Variants in LRRC43 observed in about 807,000 individuals in gnomAD.
LRRC43 encodes the protein leucine-rich repeat-containing protein 43.
Under a neutral mutation model 64.3 loss-of-function variants are expected in LRRC43, and 62 were observed. That is an observed-to-expected ratio of 0.96 (90% CI 0.79 to 1.19). The LOEUF (loss-of-function observed/expected upper bound fraction) is 1.19, where lower values mean the gene tolerates loss of function less well. Ranked by LOEUF, LRRC43 falls within the 50% of genes most tolerant of loss-of-function variation. The probability of loss-of-function intolerance (pLI) is 0.00; values close to 1 mark genes in which losing one functional copy is unlikely to be tolerated. For synonymous variants in LRRC43, 422 were observed against 382.3 expected, an observed-to-expected ratio of 1.10 and a Z score of -1.21; for missense variants, 868 against 845.0, an observed-to-expected ratio of 1.03 and a Z score of -0.34.
intron 7 of LRRC43, among the ~76,000 whole-genome samples, chr12:122,196,963 C>T (rs1293068581): frequency 6.6e-6 from 1 of 152,022 alleles, no homozygotes; most frequent in African/African-American, 2.4e-5. Context: ...CTCAGAGACA[C>T]GAAGAACAGC....
upstream of LRRC43, among the ~76,000 whole-genome samples, chr12:122,180,631 G>T (rs1953573852): frequency 6.6e-6 from 1 of 152,174 alleles, no homozygotes; most frequent in African/African-American, 2.4e-5. Context: ...GATGAAGGGT[G>T]GAAGGGCTTC....
intron 1 of LRRC43, chr12:122,173,742 G>A: frequency 9.9e-7 from 1 of 1,008,930 alleles, no homozygotes. Flanking sequence ...TCCTGGCATA[G>A]CTACAGCCCT....
At chr12:122,181,294 A>G (rs1953578427), upstream of LRRC43, among the ~76,000 whole-genome samples, 1 of 152,032 alleles carries the variant, frequency 6.6e-6, no homozygotes, top group Non-Finnish European at 1.5e-5. Flanking sequence ...ATGTAATCCC[A>G]GCACTTTGAG....
At chr12:122,188,976 C>T (rs911516096) in intron 4 of LRRC43, among the ~76,000 whole-genome samples, 1 of 152,192 alleles carries the variant, frequency 6.6e-6, no homozygotes, top group African/African-American at 2.4e-5. Context: ...AGCTGAGAAC[C>T]ACCACCCTGG....
intron 7 of LRRC43, among the ~76,000 whole-genome samples, chr12:122,194,561 C>T (rs1953755656): frequency 7.2e-6 from 1 of 138,436 alleles, no homozygotes; most frequent in African/African-American, 2.6e-5. Flanking sequence ...AAAGAAGCTC[C>T]GTCTCAAAAA....
chr12:122,203,178 A>T, intron 11 of LRRC43, 137 bp from the exon 12 acceptor site: 1 of 745,206 alleles, frequency 1.3e-6, no homozygotes, highest in Non-Finnish European at 2.1e-6. Context: ...ATTTCTTATT[A>T]CTGTTAACAC....
chr12:122,195,429 C>T (rs1008687181), intron 7 of LRRC43, among the ~76,000 whole-genome samples: 2 of 151,794 alleles, frequency 1.3e-5, no homozygotes, highest in African/African-American at 4.8e-5. Flanking sequence ...TTAGTTGAGG[C>T]GGGGTTTCAC....
rs1566009704 is a variant in LRRC43, at chr12:122,190,227, G to A, written c.760G>A (p.Val254Met). 1 of 1,614,146 alleles carries A rather than the reference G, an allele frequency of 6.2e-7. No homozygotes were observed. The highest frequency in any genetic ancestry group is 8.5e-7 in the Non-Finnish European group (1 of 1,180,044). Residue 254 changes from valine to methionine, a missense_variant, in exon 5 of 12, where the codon GTG becomes ATG. Transcript: ENST00000339777. ...GACCCTCCGGCACCTGCGACTCCTG[G>A]TGCTGCAGGGAAACCCACTGGCCTT... ...LRTLRHLRLL[V>M]LQGNPLALVP...
intron 7 of LRRC43, among the ~76,000 whole-genome samples, chr12:122,194,621 C>A (rs1456216557): frequency 6.6e-6 from 1 of 151,282 alleles, no homozygotes; most frequent in Non-Finnish European, 1.5e-5. Flanking sequence ...GGTTTCATTC[C>A]CTCCCTCCCT....
chr12:122,179,345 A>G (rs1230600063), upstream of LRRC43, among the ~76,000 whole-genome samples: 1 of 152,160 alleles, frequency 6.6e-6, no homozygotes, highest in Non-Finnish European at 1.5e-5. Flanking sequence ...GGCTCAAGCA[A>G]TCCACTCACC....
rs1184499182 is a variant in LRRC43 at position 122,184,616 on chromosome 12, CCCTGCT to C, written c.249_254del (p.Leu84_Leu85del). On this transcript the variant is annotated inframe_deletion, in exon 2 of 12. Coordinates refer to ENST00000339777, the MANE Select transcript of LRRC43 (RefSeq NM_001098519.2). The surrounding 1 kb of genome is among the most constrained non-coding windows in gnomAD (Gnocchi z 4.0). ...AGCCCCGGAGAGGAGACGGTGGAGG[CCCTGCT>C]GGGCCTGGTCCGCAGCCGCCACTCC... 1.9e-6 allele frequency: 3 copies of C among 1,613,820 alleles called. No homozygotes were observed. The highest frequency in any genetic ancestry group is 2.5e-6 in the Non-Finnish European group (3 of 1,179,894).
At chr12:122,191,268 A>C in intron 5 of LRRC43, 112 bp from the exon 6 acceptor site, 1 of 883,208 alleles carries the variant, frequency 1.1e-6, no homozygotes, top group Non-Finnish European at 1.7e-6. Flanking sequence ...ACCAAGGCTC[A>C]GCCCTGAGTG....
chr12:122,176,621 C>G (rs1413180924), intron 1 of LRRC43, among the ~76,000 whole-genome samples: 1 of 151,636 alleles, frequency 6.6e-6, no homozygotes, highest in Non-Finnish European at 1.5e-5. Flanking sequence ...GTCACCATGC[C>G]TAGCCCTGAT....
chr12:122,191,672 TGAG>T (rs1429755442), intron 6 of LRRC43, 105 bp downstream of exon 6: 6 of 906,486 alleles, frequency 6.6e-6, no homozygotes, highest in South Asian at 5.9e-5. Flanking sequence ...ATTTATTTAT[TGAG>T]GAGGAGTCTC....
chr12:122,193,365 G>A (rs887220032), intron 7 of LRRC43, among the ~76,000 whole-genome samples: 2 of 124,824 alleles, frequency 1.6e-5, no homozygotes, highest in Non-Finnish European at 3.2e-5. Flanking sequence ...CGGCGACAGA[G>A]CGAGACTCCG....
chr12:122,173,995 G>A, intron 1 of LRRC43: 2 of 1,614,072 alleles, frequency 1.2e-6, no homozygotes, highest in East Asian at 4.5e-5. Context: ...CGAGGGGCCT[G>A]GAGAGAGAAC....
chr12:122,192,995 C>T lies in LRRC43; in HGVS notation c.1340C>T (p.Pro447Leu), dbSNP rs763698419. 4 of 1,613,246 alleles carry T rather than the reference C, an allele frequency of 2.5e-6. No individual in the cohort carries two copies. The highest frequency in any genetic ancestry group is 1.7e-4 in the Middle Eastern group (1 of 5,944). The change falls in exon 7 of 12, where the codon CCG (proline) becomes CTG (leucine). Residue 447 changes from proline to leucine, a missense_variant. Physicochemically the swap from Pro to Leu is moderately conservative, Grantham distance 98. Transcript: ENST00000339777. ...CTGCGTATAGATCCCCGGCTCTGCC[C>T]GTCCCCAGGGTAAGGATGGAAATCT... Reference protein sequence around the residue: ...LRLRIDPRLCPSPGTVLFSTA... With the variant: ...LRLRIDPRLCLSPGTVLFSTA...
chr12:122,181,297 A>T (rs1408063922), upstream of LRRC43, among the ~76,000 whole-genome samples: 1 of 151,886 alleles, frequency 6.6e-6, no homozygotes, highest in Non-Finnish European at 1.5e-5. Context: ...TAATCCCAGC[A>T]CTTTGAGAGG....
chr12:122,175,393 G>T (rs551084793), intron 1 of LRRC43, among the ~76,000 whole-genome samples: 1 of 151,086 alleles, frequency 6.6e-6, no homozygotes, highest in Non-Finnish European at 1.5e-5. Context: ...GGTCTCAAAC[G>T]CCTGACCTTG....
Sources: allele counts gnomAD v4.1 joint callset (sites outside exome capture counted in the v4.1 genomes callset), GRCh38; gene constraint gnomAD v4.1.1; non-coding constraint Gnocchi (gnomAD v3.1); transcripts MANE v1.5; gene names NCBI Gene and HGNC (gene_info 2026-07-23, HGNC 2026-07-21).